MUC6: variants seen among roughly 807,000 people sequenced by gnomAD.
The protein encoded by MUC6 is mucin-6.
In MUC6, 188 loss-of-function variants were observed where a neutral mutation model predicts 201.5. The ratio of observed to expected loss-of-function variants is 0.93; its 90% CI spans 0.83 to 1.05. The LOEUF is 1.05. Among genes scored for constraint, MUC6 ranks in the 50% least tolerant of loss-of-function variants. MUC6 has a pLI of 0.00. For synonymous variants in MUC6, 1,228 were observed against 1,389.4 expected, an observed-to-expected ratio of 0.88 and a Z score of 2.58; for missense variants, 2,706 against 3,256.9, an observed-to-expected ratio of 0.83 and a Z score of 4.12.
At chr11:1,023,035 GTGAA>G (rs199660593) in intron 26 of MUC6, among the ~76,000 whole-genome samples, 3,180 of 148,346 alleles carry the variant, frequency 0.021, 40 homozygotes, top group Middle Eastern at 0.063. Context: ...AATGTGTTGA[GTGAA>G]TGTGCGTGAA....
intron 15 of MUC6, 41 bp downstream of exon 15, chr11:1,027,924 G>C (rs981571038): frequency 1.3e-5 from 21 of 1,560,878 alleles, no homozygotes; most frequent in Non-Finnish European, 1.7e-5. Context: ...AGCCACCACA[G>C]CCTCCCCTGC....
intron 22 of MUC6, 87 bp from the exon 23 acceptor site, chr11:1,025,454 G>C: frequency 6.8e-7 from 1 of 1,470,940 alleles, no homozygotes; most frequent in Non-Finnish European, 9.2e-7. Flanking sequence ...CAGAGACAGA[G>C]CTGCCCAGGT....
chr11:1,027,407 C>A lies in MUC6; in HGVS notation c.2092G>T (p.Val698Leu). 6.2e-7 allele frequency: 1 copy of A among 1,612,820 alleles called. No individual in the cohort carries two copies. Among genetic ancestry groups the A allele is most frequent in the Non-Finnish European group, 8.5e-7 (1 of 1,179,816 alleles). ...ATECHHSAVP[V>L]DGCNCPDGTY... ...CCATCGGGGCAGTTGCAACCGTCCA[C>A]GGGCACGGCGCTGTGGTGGCACTCG... Residue 698 changes from valine (V) to leucine (L), a missense_variant, in exon 17 of 33, where the codon GTG becomes TTG. By Grantham distance (32) the Val-to-Leu change is conservative (BLOSUM62 1). Around this residue, in one of 10 missense-constraint regions of MUC6, gnomAD observed 1,850 missense variants for 1,958.3 expected, o/e 0.94. Transcript: ENST00000421673.
At chr11:1,031,115 C>CGGGGG in intron 5 of MUC6, 54 bp downstream of exon 5, 26 of 1,394,970 alleles carry the variant, frequency 1.9e-5, no homozygotes, top group Non-Finnish European at 2.2e-5. Context: ...CCCCCCTGCC[C>CGGGGG]TGCCCCCCAC....
Position 1,027,445 on chromosome 11 carries a change from G to A in MUC6, c.2054C>T (p.Ser685Leu), listed in dbSNP as rs145812269. ...QACERTCLSL[S>L]DRATECHHSA... ...GTGGTGGCACTCGGTGGCACGGTCCGACAGCGACAGGCAGGTGCGCTCACA... is the reference window on the plus strand; with the variant it reads ...GTGGTGGCACTCGGTGGCACGGTCCAACAGCGACAGGCAGGTGCGCTCACA... Residue 685 changes from serine to leucine, a missense_variant, in exon 17 of 33, where the codon TCG becomes TTG. This residue lies in a region of MUC6 where 1,850 missense variants were observed against 1,958.3 expected (regional missense o/e 0.94). Transcript: ENST00000421673. The A allele has an allele frequency of 9.9e-6, 16 of 1,612,770 alleles. No homozygotes were observed. The highest frequency in any genetic ancestry group is 4.0e-5 in the African/African-American group (3 of 75,040).
rs144585658 is a variant in MUC6, at chr11:1,034,449, G to A, written c.53-1374C>T. ...TAGGTGTCATGGTCCTCAGCCCCCC[G>A]CCATTCCTTCCAGGGATGATCCACA... On this transcript the variant is annotated intron_variant, in intron 1 of 32. Transcript: ENST00000421673. Among the ~76,000 whole-genome samples, 110 of 152,316 alleles carry A rather than the reference G, an allele frequency of 7.2e-4. 1 individual carries two copies. The Middle Eastern group carries it at 0.017, about 24-fold the overall frequency.
chr11:1,030,640 CG>C lies in MUC6; in HGVS notation c.824del (p.Ser275TrpfsTer42). The C allele has an allele frequency of 6.5e-7, 1 of 1,543,328 alleles. No individual in the cohort carries two copies. Among genetic ancestry groups the C allele is most frequent in the Non-Finnish European group, 8.7e-7 (1 of 1,145,866 alleles). ...GPQNSSCATL[S>X]EYSRQCSMVG... ...CCATGCTGCACTGGCGGGAGTACTC[CG>C]ACAGGGTGGCACAACTGCTGTTCTG... On this transcript the variant is annotated frameshift_variant, in exon 7 of 33. Coordinates refer to ENST00000421673, the MANE Select transcript of MUC6 (RefSeq NM_005961.3). LOFTEE classifies it high-confidence loss of function.
In MUC6 at chr11:1,030,288, C is replaced by A; in HGVS notation, c.940G>T (p.Ala314Ser). ...ANQVYQECGS[A>S]CVKTCSNPQH... ...GGGTTGGAGCAGGTCTTCACGCAGG[C>A]CGAGCCGCACTCCTGGTACACCTGG... The change falls in exon 8 of 33, where the codon GCC becomes TCC. Residue 314 changes from alanine (A) to serine (S), a missense_variant. Coordinates refer to ENST00000421673, the MANE Select transcript of MUC6 (RefSeq NM_005961.3). 6.5e-7 allele frequency: 1 copy of A among 1,549,522 alleles called. No individual in the cohort carries two copies. The highest frequency in any genetic ancestry group is 8.7e-7 in the Non-Finnish European group (1 of 1,146,910).
At position 1,026,939 on chromosome 11, in the gene MUC6, AC is replaced by A. The variant is rs773583881; in HGVS notation, c.2394+1del. On this transcript the variant is annotated splice_donor_variant, in intron 19 of 32. Transcript: ENST00000421673. LOFTEE classifies it high-confidence loss of function. ...GTCCCTGCTCCTCGCGCGCCCCCTT[AC>A]GCAGGCAACACCGGTGGCCAGCATC... 5.1e-6 allele frequency: 8 copies of A among 1,579,170 alleles called. No homozygotes were observed. Among genetic ancestry groups the A allele is most frequent in the Non-Finnish European group, 6.9e-6 (8 of 1,163,210 alleles).
intron 1 of MUC6, among the ~76,000 whole-genome samples, chr11:1,036,053 G>A (rs1007998578): frequency 6.6e-6 from 1 of 152,050 alleles, no homozygotes; most frequent in African/African-American, 2.4e-5. Flanking sequence ...GCGGGGGAGA[G>A]GGCAGGCTGC....
chr11:1,020,837 T>C, intron 27 of MUC6, 103 bp from the exon 28 acceptor site: 5 of 1,429,910 alleles, frequency 3.5e-6, no homozygotes, highest in Non-Finnish European at 4.8e-6. Context: ...TCACCAAGGC[T>C]GTGGTGGAGG....
intron 26 of MUC6, among the ~76,000 whole-genome samples, chr11:1,021,762 G>T (rs1856813264): frequency 6.6e-6 from 1 of 151,936 alleles, no homozygotes; most frequent in Non-Finnish European, 1.5e-5. Flanking sequence ...CCATCTTCCA[G>T]TCCTCACCTC....
Position 1,014,000 on chromosome 11 carries a change from C to T in MUC6, c.7041G>A (p.Gly2347=). ...SLGTPTPTSP[G]VCSVREQQEE... is the part of the protein sequence containing the mutation. ...CCTGCTGCTCCCGCACACTGCAGAC[C>T]CCTGGTAGCCGAGTGGACGGTCAGC... is the stretch of plus-strand genomic sequence containing the variant. The change falls in exon 32 of 33, where the codon GGG becomes GGA. Residue 2347 remains glycine (G), a splice_region_variant and synonymous_variant. Coordinates refer to ENST00000421673, the MANE Select transcript of MUC6 (RefSeq NM_005961.3). The T allele has an allele frequency of 1.2e-6, 2 of 1,605,262 alleles. No individual in the cohort carries two copies. The highest frequency in any genetic ancestry group is 4.5e-5 in the East Asian group (2 of 44,658).
Position 1,019,532 on chromosome 11 carries a change from G to C in MUC6, c.3809-36C>G, listed in dbSNP as rs1289203932. 4 of 1,574,954 alleles carry C rather than the reference G, an allele frequency of 2.5e-6. No individual in the cohort carries two copies. In the African/African-American group the frequency reaches 5.4e-5, roughly 21 times the overall value. ...CAGCCGCCCGGAACATCCCCTTGCTGTGGGCCTGCATTTCGAAGGCTTGTG... is the reference window on the plus strand; with the variant it reads ...CAGCCGCCCGGAACATCCCCTTGCTCTGGGCCTGCATTTCGAAGGCTTGTG... On this transcript the variant is annotated intron_variant, in intron 29 of 32. Transcript: ENST00000421673.
chr11:1,024,111 G>A lies in MUC6; in HGVS notation c.3226-8C>T, dbSNP rs776976366. The A allele has an allele frequency of 3.8e-5, 61 of 1,610,706 alleles. No homozygotes were observed. Among genetic ancestry groups the A allele is most frequent in the Non-Finnish European group, 5.1e-5 (60 of 1,179,176 alleles). ...GTAGGGCAGGTGGTATACCTGCAGGGGTGTGTGCCAGTCAGTGTCTGGCTG... is the reference window on the plus strand; with the variant it reads ...GTAGGGCAGGTGGTATACCTGCAGGAGTGTGTGCCAGTCAGTGTCTGGCTG... On this transcript the variant is annotated splice_polypyrimidine_tract_variant and splice_region_variant and intron_variant, in intron 24 of 32. Coordinates refer to ENST00000421673, the MANE Select transcript of MUC6 (RefSeq NM_005961.3).
Position 1,029,378 on chromosome 11 carries a change from C to T in MUC6, c.1137-12G>A, listed in dbSNP as rs537785371. ...CCAGGGTGCACCGGCTGTGGGTGGG[C>T]GTGGGGGTAGCGGCATGGTGGGCAG... On this transcript the variant is annotated splice_polypyrimidine_tract_variant and intron_variant, in intron 9 of 32. Coordinates refer to ENST00000421673, the MANE Select transcript of MUC6 (RefSeq NM_005961.3). 139 of 1,593,146 alleles carry T rather than the reference C, an allele frequency of 8.7e-5. No homozygotes were observed. Among genetic ancestry groups the T allele is most frequent in the Middle Eastern group, 5.1e-4 (3 of 5,904 alleles).
rs1170853620 is a variant in MUC6, at chr11:1,016,595, C to A, written c.6206G>T (p.Ser2069Ile). 6.3e-7 allele frequency: 1 copy of A among 1,574,970 alleles called. No homozygotes were observed. The highest frequency in any genetic ancestry group is 2.3e-5 in the East Asian group (1 of 43,874). ...TGAGCTGTGGGTTTGGCTGGTCCCA[C>A]TGGTGGTCACTGTCATTGGTGGGGC... ...HTAPPMTVTTSGTSQTHSSFS... is the reference protein window; with the variant it reads ...HTAPPMTVTTIGTSQTHSSFS... The change falls in exon 31 of 33, where the codon AGT (serine) becomes ATT (isoleucine). Residue 2069 changes from serine (S) to isoleucine (I), a missense_variant. Coordinates refer to ENST00000421673, the MANE Select transcript of MUC6 (RefSeq NM_005961.3).
In MUC6 at chr11:1,018,574, CGGGGAGTGTGTGGTG is replaced by C; in HGVS notation, c.4212_4226del (p.His1404_Pro1409delinsGln). On this transcript the variant is annotated inframe_deletion, in exon 31 of 33. Transcript: ENST00000421673. ...AAGGGACGGGACTCCCCGCCGTAGG[CGGGGAGTGTGTGGTG>C]TGTGGGGTTTGGGGCGTTGTGTATT... The C allele has an allele frequency of 3.7e-6, 6 of 1,609,258 alleles. No homozygotes were observed. Among genetic ancestry groups the C allele is most frequent in the Non-Finnish European group, 5.1e-6 (6 of 1,178,168 alleles).
Position 1,015,780 on chromosome 11 carries a change from G to A in MUC6, c.7021C>T (p.Pro2341Ser), listed in dbSNP as rs1260121365. Residue 2341 changes from proline (P) to serine (S), a missense_variant, in exon 31 of 33, where the codon CCT (proline) becomes TCT (serine). By Grantham distance (74) the Pro-to-Ser change is moderately conservative. Coordinates refer to ENST00000421673, the MANE Select transcript of MUC6 (RefSeq NM_005961.3). The part of the protein sequence containing the change: ...ASAPVSSLGT[P>S]TPTSPGVCSV... ...CACTTACCGGGTGAGGTGGGCGTAG[G>A]TGTCCCGAGAGAAGATACCGGGGCA... 4 of 1,544,222 alleles carry A rather than the reference G, an allele frequency of 2.6e-6. No individual in the cohort carries two copies. The highest frequency in any genetic ancestry group is 3.5e-6 in the Non-Finnish European group (4 of 1,142,972).
Sources: gnomAD v4.1 joint callset for allele counts (sites outside exome capture counted in the v4.1 genomes callset) on GRCh38, gnomAD v4.1.1 for gene constraint, gnomAD v4.1.1 regional missense constraint, MANE v1.5 for transcripts, NCBI Gene and HGNC (gene_info 2026-07-23, HGNC 2026-07-21) for gene names.